The following KLRK1 variants were observed in gnomAD, a reference collection of about 807,000 sequenced individuals.
KLRK1 encodes the protein NKG2-D type II integral membrane protein.
A neutral mutation model predicts 31.3 loss-of-function variants in KLRK1; 40 were observed. That is an observed-to-expected ratio of 1.28 (90% CI 0.99 to 1.67). KLRK1 has a LOEUF of 1.67. KLRK1 is among the 40% of genes most tolerant of loss of function. The pLI, the probability that KLRK1 is intolerant of heterozygous loss-of-function variation, is 0.00. For missense variants in KLRK1, 251 were observed against 260.0 expected (o/e 0.97, Z 0.24); for synonymous variants, 77 against 77.3 (o/e 1.00, Z 0.02).
At chr12:10,378,779 T>A (rs1863012803) in intron 5 of KLRK1, 74 bp from the exon 6 acceptor site, 1 of 1,477,908 alleles carries the variant, frequency 6.8e-7, no homozygotes, top group Non-Finnish European at 9.0e-7. Flanking sequence ...ACAAATTAAA[T>A]GCCTTTTTCA....
chr12:10,377,886 CAT>C (rs1382590598), intron 7 of KLRK1, among the ~76,000 whole-genome samples: 7 of 152,238 alleles, frequency 4.6e-5, no homozygotes, highest in African/African-American at 1.7e-4. Flanking sequence ...GTAAAACGAA[CAT>C]ATTAGACCTG....
chr12:10,379,936 C>T (rs1019274907), intron 3 of KLRK1, 144 bp from the exon 4 acceptor site: 9 of 569,558 alleles, frequency 1.6e-5, no homozygotes, highest in African/African-American at 3.8e-5. Flanking sequence ...CAGAACAGAA[C>T]ATAAATACCT....
intron 1 of KLRK1, chr12:10,389,092 T>G (rs979981634): frequency 5.6e-5 from 22 of 393,910 alleles, no homozygotes; most frequent in African/African-American, 4.2e-4. Flanking sequence ...GTCATAACAA[T>G]ATAATGAACC....
chr12:10,378,158 T>G lies in KLRK1; in HGVS notation c.507A>C (p.Glu169Asp), dbSNP rs755861020. ...GGTTGGGTGAGAGAATGGAGCCATC[T>G]TCCCACTGCCAAGATCCATTTGTTG... Reference protein sequence around the residue: ...HIPTNGSWQWEDGSILSPNLL... With the variant: ...HIPTNGSWQWDDGSILSPNLL... The change falls in exon 7 of 8, where the codon GAA becomes GAC. Residue 169 changes from glutamate to aspartate, a missense_variant. Glu to Asp is a conservative substitution (Grantham distance 45). Coordinates refer to ENST00000240618, the MANE Select transcript of KLRK1 (RefSeq NM_007360.4). The G allele has an allele frequency of 1.5e-5, 25 of 1,614,032 alleles. No individual in the cohort carries two copies. The highest frequency in any genetic ancestry group is 2.1e-5 in the Non-Finnish European group (25 of 1,180,006).
At chr12:10,388,943 T>C (rs1241159422) in intron 1 of KLRK1, 68 bp from the exon 2 acceptor site, 16 of 1,085,592 alleles carry the variant, frequency 1.5e-5, no homozygotes, top group South Asian at 3.6e-5. Context: ...ATATTTTGAA[T>C]AGAAAAGTAA....
At chr12:10,389,732 A>G (rs935529188) in intron 1 of KLRK1, among the ~76,000 whole-genome samples, 1 of 152,272 alleles carries the variant, frequency 6.6e-6, no homozygotes, top group East Asian at 1.9e-4. Flanking sequence ...CTGATTCTTC[A>G]ATAAGTATAT....
In KLRK1 at chr12:10,373,228, T is replaced by TAG. The variant is rs1205859474; in HGVS notation, c.535_536dup (p.Thr180Ter). 1.3e-6 allele frequency: 2 copies of TAG among 1,592,958 alleles called. No individual in the cohort carries two copies. The highest frequency in any genetic ancestry group is 2.7e-5 in the African/African-American group (2 of 73,566). ...CTCCCTTCTGCATTTCAATTATTGT[T>TAG]AGTCTAGAGGAGAGACAATTACAAA... On this transcript the variant is annotated frameshift_variant, in exon 8 of 8. Coordinates refer to ENST00000240618, the MANE Select transcript of KLRK1 (RefSeq NM_007360.4). LOFTEE classifies it high-confidence loss of function.
chr12:10,386,498 A>ATC, intron 3 of KLRK1, among the ~76,000 whole-genome samples: 1 of 152,084 alleles, frequency 6.6e-6, no homozygotes, highest in Non-Finnish European at 1.5e-5. Context: ...TCATTGGAGA[A>ATC]TATATCTTCT....
chr12:10,378,687 C>G lies in KLRK1; in HGVS notation c.296G>C (p.Cys99Ser). 3 of 1,602,982 alleles carry G rather than the reference C, an allele frequency of 1.9e-6. No homozygotes were observed. The highest frequency in any genetic ancestry group is 2.5e-6 in the Non-Finnish European group (3 of 1,177,182). Residue 99 changes from cysteine to serine, a missense_variant, in exon 6 of 8, where the codon TGT (cysteine) becomes TCT (serine). By Grantham distance (112) the Cys-to-Ser change is moderately radical (BLOSUM62 -1). Transcript: ENST00000240618. ...TTTGTAACATATCCAGTTTTTAGGACATGGGCCACAGTAACTTTCTGGAAA... is the reference window on the plus strand; with the variant it reads ...TTTGTAACATATCCAGTTTTTAGGAGATGGGCCACAGTAACTTTCTGGAAA... ...IPLTESYCGP[C>S]PKNWICYKNN...
At position 10,378,113 on chromosome 12, in the gene KLRK1, C is replaced by A. The variant is rs1003027574; in HGVS notation, c.533+19G>T. The stretch of plus-strand genomic sequence containing the variant: ...GGAAAAAAATTAAAAAGAAGAGACT[C>A]ATTGGGTCAGAGACTTACAGGTTGG... On this transcript the variant is annotated intron_variant, in intron 7 of 7. Coordinates refer to ENST00000240618, the MANE Select transcript of KLRK1 (RefSeq NM_007360.4). 6.2e-7 allele frequency: 1 copy of A among 1,602,774 alleles called. No homozygotes were observed. The highest frequency in any genetic ancestry group is 8.5e-7 in the Non-Finnish European group (1 of 1,176,020).
At chr12:10,374,739 T>C (rs1326835848) in intron 7 of KLRK1, among the ~76,000 whole-genome samples, 1 of 151,872 alleles carries the variant, frequency 6.6e-6, no homozygotes, top group African/African-American at 2.4e-5. Flanking sequence ...TGTTTTTTCA[T>C]ACTACTTTCA....
chr12:10,381,593 A>G (rs1249705275), intron 3 of KLRK1, among the ~76,000 whole-genome samples: 3 of 151,532 alleles, frequency 2.0e-5, no homozygotes, highest in Non-Finnish European at 1.5e-5. Flanking sequence ...GCAAAACAAC[A>G]GGTATATCAG....
chr12:10,373,337 T>C, intron 7 of KLRK1, 106 bp from the exon 8 acceptor site: 1 of 899,618 alleles, frequency 1.1e-6, no homozygotes, highest in Non-Finnish European at 1.6e-6. Context: ...AATACCATTT[T>C]AGGAGATTAT....
intron 2 of KLRK1, among the ~76,000 whole-genome samples, 197 bp downstream of exon 2, chr12:10,388,574 A>G (rs1212377417): frequency 6.6e-6 from 1 of 152,222 alleles, no homozygotes; most frequent in Non-Finnish European, 1.5e-5. Context: ...AGTTAATAAA[A>G]TAAAGGGAAA....
At chr12:10,384,168 A>T (rs1863125363) in intron 3 of KLRK1, among the ~76,000 whole-genome samples, 1 of 152,014 alleles carries the variant, frequency 6.6e-6, no homozygotes, top group Admixed American at 6.6e-5. Flanking sequence ...TTGTTAAAGT[A>T]ATCATATGAC....
At chr12:10,377,937 T>G (rs921213595) in intron 7 of KLRK1, among the ~76,000 whole-genome samples, 195 bp downstream of exon 7, 2 of 152,234 alleles carry the variant, frequency 1.3e-5, no homozygotes, top group African/African-American at 4.8e-5. Context: ...CAATTTGTAT[T>G]ACTTACTAGT....
chr12:10,377,461 C>T (rs1862987833), intron 7 of KLRK1, among the ~76,000 whole-genome samples: 1 of 152,166 alleles, frequency 6.6e-6, no homozygotes, highest in Non-Finnish European at 1.5e-5. Context: ...GAAATTAACT[C>T]TTTACTCATG....
intron 1 of KLRK1, among the ~76,000 whole-genome samples, chr12:10,389,169 C>T (rs959524231): frequency 1.3e-5 from 2 of 152,154 alleles, no homozygotes; most frequent in African/African-American, 4.8e-5. Flanking sequence ...GATAACAACA[C>T]ACCCAGTTTT....
chr12:10,373,057 T>C lies in KLRK1; in HGVS notation c.*57A>G. On this transcript the variant is annotated 3_prime_UTR_variant, in exon 8 of 8. Transcript: ENST00000240618. ...TTCCTTTAGTCTCAGTTGGCAGTGT[T>C]ACCGCTGGTGTAATCTCTTCTCTGT... is the stretch of plus-strand genomic sequence containing the variant. 6.7e-7 allele frequency: 1 copy of C among 1,482,004 alleles called. No homozygotes were observed. Among genetic ancestry groups the C allele is most frequent in the Non-Finnish European group, 9.3e-7 (1 of 1,071,420 alleles). The allele number at this position is 1,482,004 out of a possible 1,614,324, so 91.8% of individuals were successfully genotyped here.
Sources: allele counts gnomAD v4.1 joint callset (sites outside exome capture counted in the v4.1 genomes callset), GRCh38; gene constraint gnomAD v4.1.1; transcripts MANE v1.5; gene names NCBI Gene and HGNC (gene_info 2026-07-23, HGNC 2026-07-21).